The following OBSL1 variants were observed in gnomAD, a reference collection of about 807,000 sequenced individuals.
OBSL1 encodes the protein obscurin like cytoskeletal adaptor 1, also known as obscurin-like protein 1.
OBSL1 carries 160 observed loss-of-function variants against 172.0 expected under a neutral mutation model. The observed-to-expected ratio is 0.93, with a 90% CI of 0.82 to 1.06. The LOEUF is 1.06. Among genes scored for constraint, OBSL1 ranks in the 50% least tolerant of loss-of-function variants. The pLI is 0.00. For synonymous variants in OBSL1, 1,200 were observed against 1,196.3 expected (o/e 1.00, Z -0.06); for missense variants, 2,681 against 2,715.4 (o/e 0.99, Z 0.28).
Position 219,551,858 on chromosome 2 carries a change from G to C in OBSL1, c.5414-60C>G, listed in dbSNP as rs529525678. 4.2e-5 allele frequency: 46 copies of C among 1,088,720 alleles called. No individual in the cohort carries two copies. In the African/African-American group the frequency reaches 5.4e-4, roughly 13 times the overall value. The allele number at this position is 1,088,720 out of a possible 1,614,324, so 67.4% of individuals were successfully genotyped here. On this transcript the variant is annotated intron_variant, in intron 19 of 20. Transcript: ENST00000404537. ...GACACGCATGGCCCCCAGGAGGAGA[G>C]ATGCATCTTCCCTCCCTGAAGTCTC... is the stretch of plus-strand genomic sequence containing the variant.
At position 219,552,639 on chromosome 2, in the gene OBSL1, G is replaced by A. The variant is rs778133920; in HGVS notation, c.5205C>T (p.Gly1735=). ...CCGACACGGTGCACTCGAACGTAGC[G>A]CCGTCGCCTTCGCGGGCGCTCACCG... ...LRSVSAREGD[G]ATFECTVSEV... is the part of the protein sequence containing the mutation. Residue 1735 remains glycine (G), a synonymous_variant, in exon 18 of 21, where the codon GGC becomes GGT. Coordinates refer to ENST00000404537, the MANE Select transcript of OBSL1 (RefSeq NM_015311.3). 2.6e-6 allele frequency: 4 copies of A among 1,555,572 alleles called. No individual in the cohort carries two copies. The highest frequency in any genetic ancestry group is 1.4e-5 in the African/African-American group (1 of 73,968).
intron 18 of OBSL1, 145 bp from the exon 19 acceptor site, chr2:219,552,361 G>T: frequency 1.1e-6 from 1 of 900,538 alleles, no homozygotes; most frequent in Non-Finnish European, 1.7e-6. Context: ...GGAGCGGGAA[G>T]CCTAGAGGTC....
rs771686909 is a variant in OBSL1, at chr2:219,570,240, G to C, written c.993C>G (p.Ala331=). Reference sequence around the variant, plus strand: ...CCGTACCTTTCACGTGCAGCTGCACGGCACTGAGCGTCTGGCCCGCCGAGT... The same window carrying C: ...CCGTACCTTTCACGTGCAGCTGCACCGCACTGAGCGTCTGGCCCGCCGAGT... The part of the protein sequence containing the change: ...ARNSAGQTLS[A]VQLHVKEPRL... Residue 331 remains alanine, a synonymous_variant, in exon 1 of 21, where the codon GCC becomes GCG. Transcript: ENST00000404537. 3.8e-6 allele frequency: 6 copies of C among 1,573,608 alleles called. No homozygotes were observed. In the South Asian group the frequency reaches 4.7e-5, roughly 12 times the overall value.
chr2:219,553,113 C>T (rs1383162182), intron 16 of OBSL1, 89 bp from the exon 17 acceptor site: 5 of 1,396,414 alleles, frequency 3.6e-6, no homozygotes, highest in Admixed American at 3.4e-5. Flanking sequence ...TTTGTTGATG[C>T]CAAGCGGTCT....
intron 19 of OBSL1, 65 bp from the exon 20 acceptor site, chr2:219,551,863 A>G: frequency 9.4e-7 from 1 of 1,066,478 alleles, no homozygotes; most frequent in Non-Finnish European, 1.4e-6. Flanking sequence ...GGAGAGATGC[A>G]TCTTCCCTCC....
In OBSL1 at chr2:219,568,131, C is replaced by T. The variant is rs377265702; in HGVS notation, c.1206G>A (p.Leu402=). Residue 402 remains leucine (L), a synonymous_variant, in exon 2 of 21, where the codon CTG becomes CTA. Coordinates refer to ENST00000404537, the MANE Select transcript of OBSL1 (RefSeq NM_015311.3). The surrounding 1 kb of genome is among the most constrained non-coding windows in gnomAD (Gnocchi z 4.1). ...GTVRRLIIHR[L]KADDDGIYLC... ...GGTAGATACCATCATCGTCTGCCTTCAGCCTGTGGATGATGAGGCGCCGGA... is the reference window on the plus strand; with the variant it reads ...GGTAGATACCATCATCGTCTGCCTTTAGCCTGTGGATGATGAGGCGCCGGA... 5 of 1,613,734 alleles carry T rather than the reference C, an allele frequency of 3.1e-6. No homozygotes were observed. Among genetic ancestry groups the T allele is most frequent in the Admixed American group, 1.7e-5 (1 of 60,012 alleles).
Position 219,551,813 on chromosome 2 carries a change from C to A in OBSL1, c.5414-15G>T. On this transcript the variant is annotated splice_polypyrimidine_tract_variant and intron_variant, in intron 19 of 20. Transcript: ENST00000404537. ...GAGAGGCAATGCTGGGGGTAGGGGG[C>A]GGGGGCTTAAGTTAATAGGGACACG... is the stretch of plus-strand genomic sequence containing the variant. The A allele has an allele frequency of 6.6e-7, 1 of 1,505,290 alleles. No individual in the cohort carries two copies. Among genetic ancestry groups the A allele is most frequent in the East Asian group, 2.3e-5 (1 of 44,076 alleles). 93.2% of individuals were successfully genotyped at this position (1,505,290 alleles called of 1,614,324 possible).
Position 219,553,609 on chromosome 2 carries a change from G to A in OBSL1, c.4954C>T (p.Leu1652Phe). 1 of 1,613,904 alleles carries A rather than the reference G, an allele frequency of 6.2e-7. No homozygotes were observed. The highest frequency in any genetic ancestry group is 8.5e-7 in the Non-Finnish European group (1 of 1,179,862). Residue 1652 changes from leucine (L) to phenylalanine (F), a missense_variant, in exon 16 of 21, where the codon CTT (leucine) becomes TTT (phenylalanine). Transcript: ENST00000404537. ...EGDTATFECE[L>F]SQALADVTWE... ...GTAACATCAGCCAAAGCTTGGGAAA[G>A]CTCGCACTCGAACGTAGCTGTGTCG...
chr2:219,551,981 C>A, intron 19 of OBSL1, 131 bp downstream of exon 19: 1 of 1,042,520 alleles, frequency 9.6e-7, no homozygotes, highest in East Asian at 2.6e-5. Context: ...CTCTGTGACC[C>A]GGCCCAGGAG....
intron 6 of OBSL1, 75 bp downstream of exon 6, chr2:219,565,167 A>C: frequency 1.4e-6 from 2 of 1,463,420 alleles, no homozygotes; most frequent in Non-Finnish European, 1.8e-6. Context: ...AGTAGGCAGC[A>C]GACCAGAGGG....
intron 8 of OBSL1, among the ~76,000 whole-genome samples, chr2:219,561,344 C>T (rs1290442789): frequency 6.6e-6 from 1 of 152,114 alleles, no homozygotes; most frequent in Non-Finnish European, 1.5e-5. Flanking sequence ...TGAGCCGTCA[C>T]CCCGAGGTCT....
chr2:219,558,000 C>A lies in OBSL1; in HGVS notation c.3613G>T (p.Val1205Phe). ...CELSRAGAPVVWSHNGRPVQE... is the reference protein window; with the variant it reads ...CELSRAGAPVFWSHNGRPVQE... ...ACGGGCCTCCCATTGTGGCTCCAGA[C>A]CACGGGGGCGCCAGCCCGGGACAGT... Residue 1205 changes from valine (V) to phenylalanine (F), a missense_variant, in exon 11 of 21, where the codon GTC becomes TTC. Around this residue, in one of 5 missense-constraint regions of OBSL1, gnomAD observed 1,765 missense variants for 1,748.3 expected, o/e 1.01. Transcript: ENST00000404537. The A allele has an allele frequency of 6.2e-7, 1 of 1,612,250 alleles. No individual in the cohort carries two copies. The highest frequency in any genetic ancestry group is 8.5e-7 in the Non-Finnish European group (1 of 1,179,506).
intron 5 of OBSL1, 78 bp from the exon 6 acceptor site, chr2:219,565,592 C>T (rs1696827494): frequency 1.4e-6 from 2 of 1,437,390 alleles, no homozygotes; most frequent in Non-Finnish European, 1.9e-6. Flanking sequence ...GAGGGAACAA[C>T]TGCTGTTGTT....
rs1398905780 is a variant in OBSL1, at chr2:219,563,375, T to C, written c.2660A>G (p.Tyr887Cys). Residue 887 changes from tyrosine (Y) to cysteine (C), a missense_variant, in exon 7 of 21, where the codon TAC becomes TGC. Tyr to Cys is a radical substitution (Grantham distance 194). Coordinates refer to ENST00000404537, the MANE Select transcript of OBSL1 (RefSeq NM_015311.3). ...FQCVAGDECA[Y>C]FTVTITDVSS... ...CCCACCTGTGATGGTGACAGTGAAGTAGGCACACTCATCTCCAGCGACGCA... is the reference window on the plus strand; with the variant it reads ...CCCACCTGTGATGGTGACAGTGAAGCAGGCACACTCATCTCCAGCGACGCA... The C allele has an allele frequency of 1.3e-6, 2 of 1,586,304 alleles. No homozygotes were observed. Among genetic ancestry groups the C allele is most frequent in the East Asian group, 2.2e-5 (1 of 44,492 alleles).
Position 219,571,197 on chromosome 2 carries a change from CG to C in OBSL1, c.35del (p.Pro12ArgfsTer13). The C allele has an allele frequency of 1.4e-6, 2 of 1,415,548 alleles. No individual in the cohort carries two copies. The highest frequency in any genetic ancestry group is 1.9e-6 in the Non-Finnish European group (2 of 1,076,788). 87.7% of individuals were successfully genotyped at this position (1,415,548 alleles called of 1,614,324 possible). ...CAGGCCGCGGGAAGCGCAGGAAGCACGGGGGGCTCCCCTGATCCCCCGAGCT... is the reference window on the plus strand; with the variant it reads ...CAGGCCGCGGGAAGCGCAGGAAGCACGGGGGCTCCCCTGATCCCCCGAGCT... ...KASSGDQGSP[P>X]CFLRFPRPVR... is the part of the protein sequence containing the mutation. On this transcript the variant is annotated frameshift_variant, in exon 1 of 21. Coordinates refer to ENST00000404537, the MANE Select transcript of OBSL1 (RefSeq NM_015311.3). LOFTEE classifies it high-confidence loss of function.
chr2:219,566,261 C>G (rs543596533), intron 5 of OBSL1, among the ~76,000 whole-genome samples: 1 of 152,318 alleles, frequency 6.6e-6, no homozygotes, highest in South Asian at 2.1e-4. Context: ...TGTCTGTAGT[C>G]CCAGCTACTC....
chr2:219,562,928 C>T (rs578106659), intron 7 of OBSL1: 178 of 553,030 alleles, frequency 3.2e-4, no homozygotes, highest in African/African-American at 2.1e-3. Context: ...GCTGTAGAAA[C>T]GCTCCACATT....
intron 12 of OBSL1, 158 bp from the exon 13 acceptor site, chr2:219,556,881 T>TGCCA: frequency 1.3e-6 from 1 of 767,966 alleles, no homozygotes; most frequent in Non-Finnish European, 2.0e-6. Context: ...AAGGACAAGA[T>TGCCA]GCCAGCTCCC....
downstream of OBSL1, chr2:219,547,330 CT>C (rs141435773): frequency 2.9e-4 from 143 of 498,242 alleles, 1 homozygote; most frequent in African/African-American, 2.5e-3. Context: ...CTAACCTCCC[CT>C]GACCTCAATG....
Sources: gnomAD v4.1 joint callset for allele counts (sites outside exome capture counted in the v4.1 genomes callset) on GRCh38, gnomAD v4.1.1 for gene constraint, gnomAD v4.1.1 regional missense constraint, Gnocchi (gnomAD v3.1) non-coding constraint, MANE v1.5 for transcripts, NCBI Gene and HGNC (gene_info 2026-07-23, HGNC 2026-07-21) for gene names.